The following NTRK3 variants were observed in gnomAD, a reference collection of about 807,000 sequenced individuals.
NTRK3 encodes the protein neurotrophic receptor tyrosine kinase 3, also known as NT-3 growth factor receptor.
A neutral mutation model predicts 91.7 loss-of-function variants in NTRK3; 24 were observed. That is an observed-to-expected ratio of 0.26 (90% CI 0.19 to 0.37). The LOEUF is 0.37. Ranked by LOEUF, NTRK3 falls within the 10% of genes least tolerant of loss-of-function variation. NTRK3 has a pLI of 1.00. For synonymous variants in NTRK3, 483 were observed against 404.0 expected (o/e 1.20, Z -2.34); for missense variants, 880 against 1,068.9 (o/e 0.82, Z 2.46).
At chr15:88,035,796 C>T (rs986350603) in intron 13 of NTRK3, among the ~76,000 whole-genome samples, 3 of 152,158 alleles carry the variant, frequency 2.0e-5, no homozygotes, top group African/African-American at 7.2e-5. Context: ...TACTAATATC[C>T]TCAGAGATGT....
intron 13 of NTRK3, among the ~76,000 whole-genome samples, chr15:88,117,026 T>C (rs541017739): frequency 3.5e-4 from 54 of 152,336 alleles, no homozygotes; most frequent in African/African-American, 1.3e-3. Flanking sequence ...TTGAGACCAT[T>C]GTTCCTCAAC....
intron 14 of NTRK3, among the ~76,000 whole-genome samples, chr15:87,995,163 G>A (rs890427174): frequency 3.3e-5 from 5 of 152,182 alleles, no homozygotes; most frequent in Admixed American, 2.0e-4. Flanking sequence ...AAAGCAGAGT[G>A]TCCCATGGAG....
At chr15:87,889,251 TG>T (rs1254724118) in intron 17 of NTRK3, among the ~76,000 whole-genome samples, 1 of 152,182 alleles carries the variant, frequency 6.6e-6, no homozygotes, top group African/African-American at 2.4e-5. Flanking sequence ...CATAAGCACC[TG>T]GCATGCTTGT....
At chr15:88,098,633 G>T in intron 13 of NTRK3, 1 of 230,964 alleles carries the variant, frequency 4.3e-6, no homozygotes. Flanking sequence ...GTGAGGCCTA[G>T]AGAACGTGTT....
intron 5 of NTRK3, among the ~76,000 whole-genome samples, chr15:88,150,142 C>T (rs1032431089): frequency 3.3e-5 from 5 of 152,170 alleles, no homozygotes; most frequent in Non-Finnish European, 5.9e-5. Flanking sequence ...GAAGAACATG[C>T]CCCTGGTAAG....
intron 17 of NTRK3, among the ~76,000 whole-genome samples, chr15:87,888,402 A>C (rs2065671108): frequency 6.6e-6 from 1 of 152,102 alleles, no homozygotes; most frequent in South Asian, 2.1e-4. Flanking sequence ...GACAAGAGGT[A>C]CCTGATCAAC....
chr15:87,901,426 T>A (rs187043990), intron 17 of NTRK3, among the ~76,000 whole-genome samples: 6 of 152,256 alleles, frequency 3.9e-5, no homozygotes, highest in Non-Finnish European at 8.8e-5. Context: ...ACCTAGTGGG[T>A]CCCCAAAAGG....
chr15:87,992,832 T>C (rs747106219), intron 14 of NTRK3, among the ~76,000 whole-genome samples: 1 of 152,228 alleles, frequency 6.6e-6, no homozygotes, highest in Non-Finnish European at 1.5e-5. Flanking sequence ...TATATGTAGA[T>C]GCCAAGGGCA....
chr15:87,880,400 C>T (rs2141468881), exon 18 of NTRK3: 5 of 1,614,092 alleles, frequency 3.1e-6, no homozygotes, highest in Non-Finnish European at 3.4e-6. Context: ...AGGCATCCAG[C>T]GAATGGGGAG....
chr15:88,078,475 C>T (rs2047753892), intron 13 of NTRK3, among the ~76,000 whole-genome samples: 1 of 152,188 alleles, frequency 6.6e-6, no homozygotes, highest in Admixed American at 6.5e-5. Flanking sequence ...CATGGCGAAA[C>T]CCTGTCTCTA....
intron 3 of NTRK3, among the ~76,000 whole-genome samples, chr15:88,230,413 G>A (rs191001518): frequency 6.6e-4 from 100 of 152,230 alleles, no homozygotes; most frequent in African/African-American, 2.3e-3. Context: ...TCATGATCGC[G>A]GAAAGCTGAC....
chr15:87,909,752 C>A (rs1405487092), intron 17 of NTRK3, among the ~76,000 whole-genome samples: 2 of 152,082 alleles, frequency 1.3e-5, no homozygotes, highest in African/African-American at 4.8e-5. Context: ...GTAGGGTGGG[C>A]CCTAATCCAA....
exon 19 of NTRK3, chr15:87,867,416 C>A (rs963373110): frequency 4.8e-5 from 11 of 229,432 alleles, no homozygotes; most frequent in African/African-American, 2.4e-4. Flanking sequence ...GATAAACTGC[C>A]ATAAAACAAA....
chr15:87,950,300 A>G (rs1474370698), intron 14 of NTRK3, among the ~76,000 whole-genome samples: 1 of 152,232 alleles, frequency 6.6e-6, no homozygotes, highest in Non-Finnish European at 1.5e-5. Context: ...AGGGGAGACC[A>G]GAGGATCCCA....
At position 87,987,145 on chromosome 15, in the gene NTRK3, G is replaced by A. The variant is rs147186718; in HGVS notation, c.1585+45712C>T. The stretch of plus-strand genomic sequence containing the variant: ...AATAAGCTCCTCAGGTGATTTCTAC[G>A]CACAAAAACATTTGAGAAGCACATC... On this transcript the variant is annotated intron_variant, in intron 14 of 18. Coordinates refer to ENST00000394480, the Ensembl canonical transcript of NTRK3. Among the ~76,000 whole-genome samples, 305 of 152,322 alleles carry A rather than the reference G, an allele frequency of 2.0e-3. 1 individual carries two copies. Among genetic ancestry groups the A allele is most frequent in the Non-Finnish European group, 2.9e-3 (194 of 68,024 alleles).
At chr15:87,944,067 T>A (rs1327741157) in intron 14 of NTRK3, among the ~76,000 whole-genome samples, 2 of 152,192 alleles carry the variant, frequency 1.3e-5, no homozygotes, top group Non-Finnish European at 2.9e-5. Context: ...CTGACACCAA[T>A]ACCTGTCCTT....
intron 5 of NTRK3, among the ~76,000 whole-genome samples, chr15:88,176,110 A>G (rs551236103): frequency 2.7e-5 from 4 of 149,454 alleles, no homozygotes; most frequent in Non-Finnish European, 5.9e-5. Flanking sequence ...AGTGATATGC[A>G]TGTAATATTT....
intron 14 of NTRK3, among the ~76,000 whole-genome samples, chr15:88,012,743 C>T (rs773282305): frequency 2.6e-4 from 39 of 152,052 alleles, no homozygotes; most frequent in Non-Finnish European, 4.1e-4. Flanking sequence ...TATTTTTGAT[C>T]GGGGGAAAAA....
chr15:88,050,656 T>C (rs2080743081), intron 13 of NTRK3, among the ~76,000 whole-genome samples: 1 of 152,204 alleles, frequency 6.6e-6, no homozygotes, highest in African/African-American at 2.4e-5. Flanking sequence ...TTAATAGAAC[T>C]ACTATTTGAT....
Sources: gnomAD v4.1 joint callset for allele counts (sites outside exome capture counted in the v4.1 genomes callset) on GRCh38, gnomAD v4.1.1 for gene constraint, MANE v1.5 for transcripts, NCBI Gene and HGNC (gene_info 2026-07-23, HGNC 2026-07-21) for gene names.